Variants in PTDSS2 observed in about 807,000 individuals in gnomAD.
The protein encoded by PTDSS2 is PSS-2.
PTDSS2 carries 41 observed loss-of-function variants against 64.7 expected under a neutral mutation model. The ratio of observed to expected loss-of-function variants is 0.63; its 90% CI spans 0.49 to 0.82. The LOEUF (loss-of-function observed/expected upper bound fraction) is 0.82. Ranked by LOEUF, PTDSS2 falls within the 40% of genes least tolerant of loss-of-function variation. The probability of loss-of-function intolerance (pLI) is 0.00; values close to 1 mark genes in which losing one functional copy is unlikely to be tolerated. For synonymous variants in PTDSS2, 297 were observed against 277.8 expected (o/e 1.07, Z -0.69); for missense variants, 485 against 650.0 (o/e 0.75, Z 2.76).
chr11:484,800 T>G (rs1286660960), intron 4 of PTDSS2, among the ~76,000 whole-genome samples: 2 of 125,450 alleles, frequency 1.6e-5, no homozygotes, highest in African/African-American at 6.2e-5. Flanking sequence ...GAGTGTAAAC[T>G]GCACGGGCGC....
intron 2 of PTDSS2, among the ~76,000 whole-genome samples, chr11:465,811 A>T (rs930216852): frequency 2.7e-5 from 4 of 150,282 alleles, no homozygotes; most frequent in Non-Finnish European, 5.9e-5. Flanking sequence ...TTGTGGTAGT[A>T]CATGCCTGTG....
chr11:461,220 G>C lies in PTDSS2; in HGVS notation c.284+932G>C, dbSNP rs568162445. 2.6e-5 allele frequency among the ~76,000 whole-genome samples: 4 copies of C among 152,154 alleles called. No individual in the cohort carries two copies. The highest frequency in any genetic ancestry group is 4.4e-5 in the Non-Finnish European group (3 of 68,034). ...GTAAAGCAAGAGTCTCGCTATCTTC[G>C]TGACTGTTGGGTGGGGTGATGGGTG... On this transcript the variant is annotated intron_variant, in intron 2 of 11. Coordinates refer to ENST00000308020, the MANE Select transcript of PTDSS2 (RefSeq NM_030783.3). This position sits in a 1 kb window ranked among gnomAD's most constrained non-coding sequence, Gnocchi z 4.2.
chr11:460,282 C>T lies in PTDSS2; in HGVS notation c.278C>T (p.Thr93Ile). 1 of 1,613,514 alleles carries T rather than the reference C, an allele frequency of 6.2e-7. No individual in the cohort carries two copies. The highest frequency in any genetic ancestry group is 8.5e-7 in the Non-Finnish European group (1 of 1,179,416). Residue 93 changes from threonine to isoleucine, a missense_variant, in exon 2 of 12, where the codon ACC becomes ATC. Transcript: ENST00000308020. This position sits in a 1 kb window ranked among gnomAD's most constrained non-coding sequence, Gnocchi z 5.8. ...ACACCTCAGGACACGGCCTACAACA[C>T]CAAGAGGTAAGCTGCCCTCTTGTCC... The part of the protein sequence containing the change: ...EETPQDTAYN[T>I]KRGIVASILV...
In PTDSS2 at chr11:450,308, G is replaced by A. The variant is rs778559745; in HGVS notation, c.-148G>A. ...TGCACCGCACACCCTTTACTGGCCGGCCCCGCGCTGCTCTCCTAAGACCCC... is the reference window on the plus strand; with the variant it reads ...TGCACCGCACACCCTTTACTGGCCGACCCCGCGCTGCTCTCCTAAGACCCC... On this transcript the variant is annotated 5_prime_UTR_variant, in exon 1 of 12. Coordinates refer to ENST00000308020, the MANE Select transcript of PTDSS2 (RefSeq NM_030783.3). 9.3e-5 allele frequency: 54 copies of A among 578,390 alleles called. No homozygotes were observed. Among genetic ancestry groups the A allele is most frequent in the East Asian group, 3.4e-4 (9 of 26,676 alleles). The allele number at this position is 578,390 out of a possible 1,614,324, so 35.8% of individuals were successfully genotyped here.
intron 2 of PTDSS2, among the ~76,000 whole-genome samples, chr11:472,475 A>T (rs1007912655): frequency 6.6e-6 from 1 of 152,150 alleles, no homozygotes; most frequent in African/African-American, 2.4e-5. Context: ...GCCTGGGTGG[A>T]GACCGGGTCA....
In PTDSS2 at chr11:476,838, G is replaced by C. The variant is rs1847827898; in HGVS notation, c.368-2247G>C. 6.6e-6 allele frequency among the ~76,000 whole-genome samples: 1 copy of C among 152,208 alleles called. No individual in the cohort carries two copies. Among genetic ancestry groups the C allele is most frequent in the Non-Finnish European group, 1.5e-5 (1 of 68,048 alleles). ...TACCTTTCTTCTGTCCGTTTAGTTT[G>C]CTTGGCATAAATTCCATATTACTTT... On this transcript the variant is annotated intron_variant, in intron 3 of 11. Coordinates refer to ENST00000308020, the MANE Select transcript of PTDSS2 (RefSeq NM_030783.3). The surrounding 1 kb of genome is among the most constrained non-coding windows in gnomAD (Gnocchi z 4.9).
In PTDSS2 at chr11:461,886, G is replaced by A. The variant is rs1210544198; in HGVS notation, c.284+1598G>A. ...CGCTGGACCTGTGGCTCTGGAGGCA[G>A]TGAGGCAGTGGGCAGGAGCCCCGTG... is the stretch of plus-strand genomic sequence containing the variant. On this transcript the variant is annotated intron_variant, in intron 2 of 11. Transcript: ENST00000308020. The surrounding 1 kb of genome is among the most constrained non-coding windows in gnomAD (Gnocchi z 4.2). Among the ~76,000 whole-genome samples the A allele has an allele frequency of 2.0e-5, 3 of 152,210 alleles. No homozygotes were observed. Among genetic ancestry groups the A allele is most frequent in the East Asian group, 3.9e-4 (2 of 5,190 alleles).
Position 472,876 on chromosome 11 carries a change from A to G in PTDSS2, c.285-1019A>G, listed in dbSNP as rs112078976. Among the ~76,000 whole-genome samples, 568 of 152,322 alleles carry G rather than the reference A, an allele frequency of 3.7e-3. 2 individuals carry two copies. Among genetic ancestry groups the G allele is most frequent in the African/African-American group, 0.013 (538 of 41,572 alleles). Reference sequence around the variant, plus strand: ...GGCAGCCAAAACCCAGAGGCCGCCCAGCGTGCGAACACGCCAAGGTGTGAC... The same window carrying G: ...GGCAGCCAAAACCCAGAGGCCGCCCGGCGTGCGAACACGCCAAGGTGTGAC... On this transcript the variant is annotated intron_variant, in intron 2 of 11. Transcript: ENST00000308020.
Position 487,057 on chromosome 11 carries a change from C to G in PTDSS2, c.554C>G (p.Pro185Arg). The G allele has an allele frequency of 6.2e-7, 1 of 1,613,264 alleles. No individual in the cohort carries two copies. The highest frequency in any genetic ancestry group is 8.5e-7 in the Non-Finnish European group (1 of 1,179,818). The change falls in exon 5 of 12, where the codon CCC (proline) becomes CGC (arginine). Residue 185 changes from proline (P) to arginine (R), a missense_variant. Pro to Arg is a moderately radical substitution (Grantham distance 103). Transcript: ENST00000308020. ...TACGACCCAGACAATGAGACTGACC[C>G]CTTTCACAACATCTGGGTAAGACGC... ...LIYDPDNETDPFHNIWDKLDG... is the reference protein window; with the variant it reads ...LIYDPDNETDRFHNIWDKLDG...
In PTDSS2 at chr11:487,431, T is replaced by C; in HGVS notation, c.582T>C (p.Asp194=). The change falls in exon 6 of 12, where the codon GAT becomes GAC. Residue 194 remains aspartate (D), a synonymous_variant. Coordinates refer to ENST00000308020, the MANE Select transcript of PTDSS2 (RefSeq NM_030783.3). ...CCTGTCGCCCACAGGACAAGTTGGA[T>C]GGCTTTGTTCCCGCGCACTTTCTTG... ...DPFHNIWDKL[D]GFVPAHFLGW... is the part of the protein sequence containing the mutation. 1 of 1,613,944 alleles carries C rather than the reference T, an allele frequency of 6.2e-7. No homozygotes were observed. The highest frequency in any genetic ancestry group is 8.5e-7 in the Non-Finnish European group (1 of 1,179,986).
At chr11:489,170 C>G (rs979131643) in intron 8 of PTDSS2, among the ~76,000 whole-genome samples, 5 of 152,230 alleles carry the variant, frequency 3.3e-5, no homozygotes, top group Non-Finnish European at 7.3e-5. Context: ...CGTGGAGAAG[C>G]AGGGCTTGTA....
At chr11:456,335 C>T (rs1181905619) in intron 1 of PTDSS2, among the ~76,000 whole-genome samples, 2 of 149,362 alleles carry the variant, frequency 1.3e-5, no homozygotes, top group Non-Finnish European at 3.0e-5. Flanking sequence ...CCACCACATC[C>T]AGTTAATTTT....
In PTDSS2 at chr11:478,978, C is replaced by A. The variant is rs1000337443; in HGVS notation, c.368-107C>A. 19 of 841,242 alleles carry A rather than the reference C, an allele frequency of 2.3e-5. No homozygotes were observed. In the African/African-American group the frequency reaches 2.5e-4, roughly 11 times the overall value. The allele number at this position is 841,242 out of a possible 1,614,324, so 52.1% of individuals were successfully genotyped here. ...GGCTCTCCCAGGGGCCTGTGAAGGG[C>A]CCAGAAGAGACACTGGGTGTGAAGG... On this transcript the variant is annotated intron_variant, in intron 3 of 11. Coordinates refer to ENST00000308020, the MANE Select transcript of PTDSS2 (RefSeq NM_030783.3).
At chr11:464,352 A>G (rs1847045058) in intron 2 of PTDSS2, among the ~76,000 whole-genome samples, 1 of 152,224 alleles carries the variant, frequency 6.6e-6, no homozygotes, top group Non-Finnish European at 1.5e-5. Flanking sequence ...ATTCACGCGT[A>G]CGGCTGATGA....
chr11:479,074 T>C lies in PTDSS2; in HGVS notation c.368-11T>C. On this transcript the variant is annotated splice_polypyrimidine_tract_variant and intron_variant, in intron 3 of 11. Transcript: ENST00000308020. The surrounding 1 kb of genome is among the most constrained non-coding windows in gnomAD (Gnocchi z 4.2). ...CCGGGCGCACTAACGTTCTGTCGTC[T>C]GTCTTTGTAGCTTACTGGAGGTTTT... is the stretch of plus-strand genomic sequence containing the variant. 1 of 1,613,690 alleles carries C rather than the reference T, an allele frequency of 6.2e-7. No homozygotes were observed. Among genetic ancestry groups the C allele is most frequent in the Non-Finnish European group, 8.5e-7 (1 of 1,179,550 alleles).
At chr11:473,541 G>A (rs1168259538) in intron 2 of PTDSS2, among the ~76,000 whole-genome samples, 2 of 152,256 alleles carry the variant, frequency 1.3e-5, no homozygotes, top group Non-Finnish European at 2.9e-5. Flanking sequence ...TGGCCACTGG[G>A]CGGGCTGCAA....
intron 4 of PTDSS2, among the ~76,000 whole-genome samples, chr11:482,568 C>T (rs56820227): frequency 0.23 from 34,252 of 152,074 alleles, 4,211 homozygotes; most frequent in African/African-American, 0.33. Context: ...ACCCCTTTGG[C>T]CTCCCAAAGT....
chr11:487,448 A>G lies in PTDSS2; in HGVS notation c.599A>G (p.His200Arg), dbSNP rs376428313. Residue 200 changes from histidine (H) to arginine (R), a missense_variant, in exon 6 of 12, where the codon CAC (histidine) becomes CGC (arginine). By Grantham distance (29) the His-to-Arg change is conservative (BLOSUM62 0). This residue lies in a region of PTDSS2 where 251 missense variants were observed against 348.0 expected (regional missense o/e 0.72). Coordinates refer to ENST00000308020, the MANE Select transcript of PTDSS2 (RefSeq NM_030783.3). ...AAGTTGGATGGCTTTGTTCCCGCGC[A>G]CTTTCTTGGCTGGTACCTGAAGGTA... ...WDKLDGFVPA[H>R]FLGWYLKTLM... 2 of 1,613,814 alleles carry G rather than the reference A, an allele frequency of 1.2e-6. No individual in the cohort carries two copies. The highest frequency in any genetic ancestry group is 1.7e-6 in the Non-Finnish European group (2 of 1,179,962).
rs978041491 is a variant in PTDSS2, at chr11:462,856, G to C, written c.284+2568G>C. 6.6e-6 allele frequency: 1 copy of C among 152,196 alleles called. No homozygotes were observed. Among genetic ancestry groups the C allele is most frequent in the African/African-American group, 2.4e-5 (1 of 41,448 alleles). The allele number at this position is 152,196 out of a possible 1,614,324, so 9.4% of individuals were successfully genotyped here. A position where few individuals can be genotyped will look rare whatever the true frequency, so the allele number is the denominator to read the frequency against. On this transcript the variant is annotated intron_variant, in intron 2 of 11. Coordinates refer to ENST00000308020, the MANE Select transcript of PTDSS2 (RefSeq NM_030783.3). The surrounding 1 kb of genome is among the most constrained non-coding windows in gnomAD (Gnocchi z 4.5). ...CTAGAATTATCTGATGTCCTCAAGG[G>C]TAGATTTTCTTATATAGAAAATACC...
Sources: gnomAD v4.1 joint callset for allele counts (sites outside exome capture counted in the v4.1 genomes callset) on GRCh38, gnomAD v4.1.1 for gene constraint, gnomAD v4.1.1 regional missense constraint, Gnocchi (gnomAD v3.1) non-coding constraint, MANE v1.5 for transcripts, NCBI Gene and HGNC (gene_info 2026-07-23, HGNC 2026-07-21) for gene names.